Variants in TRANK1 observed in about 807,000 individuals in gnomAD.
TRANK1 encodes the protein TPR and ankyrin repeat-containing protein 1.
TRANK1 carries 198 observed loss-of-function variants against 266.0 expected under a neutral mutation model. The ratio of observed to expected loss-of-function variants is 0.74; its 90% CI spans 0.66 to 0.84. TRANK1 has a LOEUF of 0.84. TRANK1 is among the 40% of genes least tolerant of loss of function. The pLI is 0.00. For synonymous variants in TRANK1, 1,396 were observed against 1,384.1 expected, an observed-to-expected ratio of 1.01 and a Z score of -0.19; for missense variants, 3,326 against 3,634.6, an observed-to-expected ratio of 0.92 and a Z score of 2.18.
rs956921595 is a variant in TRANK1, at chr3:36,867,139, C to T, written c.1079-2659G>A. 3.3e-5 allele frequency among the ~76,000 whole-genome samples: 5 copies of T among 152,152 alleles called. No individual in the cohort carries two copies. The East Asian group carries it at 9.7e-4, about 29-fold the overall frequency. ...GCTAGCATCCCTGGACTTTCCCCTC[C>T]CATCTTCATCCTAAAATACCTATGA... On this transcript the variant is annotated intron_variant, in intron 9 of 23. Coordinates refer to ENST00000645898, the MANE Select transcript of TRANK1 (RefSeq NM_001329998.2).
intron 12 of TRANK1, 89 bp from the exon 13 acceptor site, chr3:36,858,138 G>T: frequency 8.9e-7 from 1 of 1,121,090 alleles, no homozygotes; most frequent in Non-Finnish European, 1.2e-6. Context: ...TGCCAGCCAG[G>T]GGCATCTCAG....
intron 13 of TRANK1, among the ~76,000 whole-genome samples, chr3:36,854,646 G>A (rs2079027291): frequency 1.3e-5 from 2 of 152,178 alleles, no homozygotes; most frequent in South Asian, 2.1e-4. Flanking sequence ...GTGGTGTTAT[G>A]AAGATTAAGC....
Position 36,874,296 on chromosome 3 carries a change from C to T in TRANK1, c.908G>A (p.Arg303Gln), listed in dbSNP as rs2079354313. 1 of 1,535,906 alleles carries T rather than the reference C, an allele frequency of 6.5e-7. No individual in the cohort carries two copies. The highest frequency in any genetic ancestry group is 1.4e-5 in the African/African-American group (1 of 72,888). Residue 303 changes from arginine to glutamine, a missense_variant and splice_region_variant, in exon 9 of 24, where the codon CGA becomes CAA. By Grantham distance (43) the Arg-to-Gln change is conservative (BLOSUM62 1). Transcript: ENST00000645898. ...AAHSPGYLVKRQTEDVQMLLR... is the reference protein window; with the variant it reads ...AAHSPGYLVKQQTEDVQMLLR... ...GAGCATCTGCACATCCTCTGTTTGTCCTAGGGCAGGCCAAAATGAGAAGGG... is the reference window on the plus strand; with the variant it reads ...GAGCATCTGCACATCCTCTGTTTGTTCTAGGGCAGGCCAAAATGAGAAGGG...
chr3:36,904,317 G>A (rs1285686662), intron 2 of TRANK1, among the ~76,000 whole-genome samples: 4 of 149,058 alleles, frequency 2.7e-5, no homozygotes, highest in Non-Finnish European at 4.5e-5. Flanking sequence ...CGAGGAGTTC[G>A]AGACCATCCT....
chr3:36,927,235 A>G (rs1191152840), intron 1 of TRANK1, among the ~76,000 whole-genome samples: 1 of 147,764 alleles, frequency 6.8e-6, no homozygotes, highest in East Asian at 2.0e-4. Context: ...CTGGTCAGCA[A>G]GAAGGTGAAG....
intron 1 of TRANK1, among the ~76,000 whole-genome samples, chr3:36,934,817 G>A (rs1368169738): frequency 6.6e-6 from 1 of 152,190 alleles, no homozygotes; most frequent in East Asian, 1.9e-4. Context: ...ACAGTCAGCT[G>A]TTCTCGAGCT....
rs760691587 is a variant in TRANK1, at chr3:36,899,150, G to A, written c.392C>T (p.Pro131Leu). 3.0e-5 allele frequency: 46 copies of A among 1,537,142 alleles called. No homozygotes were observed. The highest frequency in any genetic ancestry group is 7.3e-5 in the East Asian group (3 of 40,916). Residue 131 changes from proline (P) to leucine (L), a missense_variant, in exon 4 of 24, where the codon CCG becomes CTG. Pro to Leu is a moderately conservative substitution (Grantham distance 98). Transcript: ENST00000645898. ...GACTCCAACAAGGAAATCAGCAACCGGTGCCTGGTCTTGGCTTCTCTGCAC... is the reference window on the plus strand; with the variant it reads ...GACTCCAACAAGGAAATCAGCAACCAGTGCCTGGTCTTGGCTTCTCTGCAC... ...RLVQRSQDQA[P>L]VADFLVGVFT...
chr3:36,903,954 C>T (rs2079922682), intron 2 of TRANK1, among the ~76,000 whole-genome samples: 1 of 152,150 alleles, frequency 6.6e-6, no homozygotes, highest in South Asian at 2.1e-4. Context: ...AGCCTTATGA[C>T]TTCTTTTTTA....
At chr3:36,879,807 T>TATATGTAAATATACAA (rs2079472046) in intron 8 of TRANK1, among the ~76,000 whole-genome samples, 1 of 93,704 alleles carries the variant, frequency 1.1e-5, no homozygotes, top group African/African-American at 5.3e-5. Context: ...AATATACAAA[T>TATATGTAAATATACAA]ATATGTAAAT....
At chr3:36,888,932 T>C (rs2079646880) in intron 8 of TRANK1, among the ~76,000 whole-genome samples, 1 of 152,068 alleles carries the variant, frequency 6.6e-6, no homozygotes, top group South Asian at 2.1e-4. Context: ...TAATCCCAAC[T>C]ACTCAGGAGA....
In TRANK1 at chr3:36,828,093, G is replaced by A; in HGVS notation, c.*182C>T. 1.7e-6 allele frequency: 1 copy of A among 573,008 alleles called. No homozygotes were observed. Among genetic ancestry groups the A allele is most frequent in the Non-Finnish European group, 3.1e-6 (1 of 320,370 alleles). 35.5% of individuals were successfully genotyped at this position (573,008 alleles called of 1,614,324 possible). On this transcript the variant is annotated 3_prime_UTR_variant, in exon 24 of 24. Coordinates refer to ENST00000645898, the MANE Select transcript of TRANK1 (RefSeq NM_001329998.2). ...CTACTTGGAAACACTTTAGAGGTGA[G>A]GGAGCAATCAGATCCTAAGCCACTG... is the stretch of plus-strand genomic sequence containing the variant.
chr3:36,936,211 G>T (rs1340440250), intron 1 of TRANK1, among the ~76,000 whole-genome samples: 1 of 152,178 alleles, frequency 6.6e-6, no homozygotes, highest in Non-Finnish European at 1.5e-5. Flanking sequence ...AGGGATAGGT[G>T]TGGTGGGCCA....
At position 36,838,705 on chromosome 3, in the gene TRANK1, C is replaced by G; in HGVS notation, c.5292G>C (p.Lys1764Asn). 1.9e-6 allele frequency: 3 copies of G among 1,613,510 alleles called. No homozygotes were observed. Among genetic ancestry groups the G allele is most frequent in the Non-Finnish European group, 2.5e-6 (3 of 1,179,738 alleles). ...CAAATGCACCTCCTTTCTGGTAACA[C>G]TTGGCTGCAACCTGGAATAGGCAAA... ...AKHQCWKVAAKCYQKGGAFEK... is the reference protein window; with the variant it reads ...AKHQCWKVAANCYQKGGAFEK... The change falls in exon 19 of 24, where the codon AAG becomes AAC. Residue 1764 changes from lysine to asparagine, a missense_variant. Physicochemically the swap from Lys to Asn is moderately conservative, Grantham distance 94 (BLOSUM62 0). Transcript: ENST00000645898.
At position 36,855,274 on chromosome 3, in the gene TRANK1, G is replaced by A. The variant is rs1168127336; in HGVS notation, c.4448C>T (p.Ser1483Phe). The A allele has an allele frequency of 6.2e-7, 1 of 1,614,064 alleles. No individual in the cohort carries two copies. The highest frequency in any genetic ancestry group is 8.5e-7 in the Non-Finnish European group (1 of 1,179,906). The change falls in exon 13 of 24, where the codon TCT becomes TTT. Residue 1483 changes from serine (S) to phenylalanine (F), a missense_variant. Transcript: ENST00000645898. ...GTTTCTGCTGGCATAATGGAACAGA[G>A]AGCGCAGATCGCTGAAGCGGAAGGC... The part of the protein sequence containing the change: ...GVAFRFSDLR[S>F]LFHYASRNTI...
intron 1 of TRANK1, among the ~76,000 whole-genome samples, chr3:36,943,506 A>G (rs1415787226): frequency 9.1e-6 from 1 of 109,450 alleles, no homozygotes; most frequent in Non-Finnish European, 1.7e-5. Context: ...CAGAGGATGC[A>G]AAAGCCAACA....
At position 36,857,455 on chromosome 3, in the gene TRANK1, C is replaced by T; in HGVS notation, c.2267G>A (p.Ser756Asn). 6.2e-7 allele frequency: 1 copy of T among 1,613,986 alleles called. No homozygotes were observed. The highest frequency in any genetic ancestry group is 8.5e-7 in the Non-Finnish European group (1 of 1,179,886). Reference sequence around the variant, plus strand: ...AGCTCCTGCCTCCAGAGGCTCAGAGCTCTGAAGACAGTCCTCTGGGAAAGA... The same window carrying T: ...AGCTCCTGCCTCCAGAGGCTCAGAGTTCTGAAGACAGTCCTCTGGGAAAGA... Reference protein sequence around the residue: ...DPSFPEDCLQSSEPLEAGAGK... With the variant: ...DPSFPEDCLQNSEPLEAGAGK... Residue 756 changes from serine to asparagine, a missense_variant, in exon 13 of 24, where the codon AGC becomes AAC. Physicochemically the swap from Ser to Asn is conservative, Grantham distance 46. Coordinates refer to ENST00000645898, the MANE Select transcript of TRANK1 (RefSeq NM_001329998.2). This position sits in a 1 kb window ranked among gnomAD's most constrained non-coding sequence, Gnocchi z 4.3.
At position 36,914,189 on chromosome 3, in the gene TRANK1, G is replaced by A. The variant is rs145178292; in HGVS notation, c.24-5735C>T. Among the ~76,000 whole-genome samples, 904 of 151,206 alleles carry A rather than the reference G, an allele frequency of 6.0e-3. 9 individuals are homozygous for A. The highest frequency in any genetic ancestry group is 0.02 in the African/African-American group (826 of 41,170). Reference sequence around the variant, plus strand: ...CACTCTGTCGCCCAGGCTGGAGTGCGGTGGTGCAATTTTGGCTCACTGCAA... The same window carrying A: ...CACTCTGTCGCCCAGGCTGGAGTGCAGTGGTGCAATTTTGGCTCACTGCAA... On this transcript the variant is annotated intron_variant, in intron 1 of 23. Coordinates refer to ENST00000645898, the MANE Select transcript of TRANK1 (RefSeq NM_001329998.2).
chr3:36,834,616 C>T, intron 21 of TRANK1, 146 bp downstream of exon 21: 1 of 838,692 alleles, frequency 1.2e-6, no homozygotes, highest in Non-Finnish European at 1.8e-6. Flanking sequence ...GCTGCTGACC[C>T]AGCACTGAGG....
In TRANK1 at chr3:36,879,853, T is replaced by TACAAATATATGTAAAC. The variant is rs1559449032; in HGVS notation, c.908-5558_908-5557insGTTTACATATATTTGT. ...ATGTAAATATACAAATATATGTAAA[T>TACAAATATATGTAAAC]ATACAAATATATGTAAACATACAAA... is the stretch of plus-strand genomic sequence containing the variant. On this transcript the variant is annotated intron_variant, in intron 8 of 23. Transcript: ENST00000645898. Among the ~76,000 whole-genome samples the TACAAATATATGTAAAC allele has an allele frequency of 1.5e-4, 13 of 86,774 alleles. 3 individuals carry two copies. Among genetic ancestry groups the TACAAATATATGTAAAC allele is most frequent in the South Asian group, 7.7e-4 (2 of 2,590 alleles). 56.9% of individuals were successfully genotyped at this position (86,774 alleles called of 152,430 possible).
Sources: gnomAD v4.1 joint callset for allele counts (sites outside exome capture counted in the v4.1 genomes callset) on GRCh38, gnomAD v4.1.1 for gene constraint, Gnocchi (gnomAD v3.1) non-coding constraint, MANE v1.5 for transcripts, NCBI Gene and HGNC (gene_info 2026-07-23, HGNC 2026-07-21) for gene names.